ANO3: variants seen among roughly 807,000 people sequenced by gnomAD.
ANO3 encodes the protein anoctamin 3.
In ANO3, 99 loss-of-function variants were observed where a neutral mutation model predicts 144.8. The observed-to-expected ratio is 0.68, with a 90% CI of 0.58 to 0.81. ANO3 has a LOEUF of 0.81. Ranked by LOEUF, ANO3 falls within the 30% of genes least tolerant of loss-of-function variation. ANO3 has a pLI of 0.00. For missense variants in ANO3, 905 were observed against 1,202.2 expected (o/e 0.75, Z 3.66); for synonymous variants, 414 against 392.6 (o/e 1.05, Z -0.64).
chr11:26,584,406 A>G (rs10767554), intron 14 of ANO3, among the ~76,000 whole-genome samples: 111,238 of 152,034 alleles, frequency 0.73, 41,495 homozygotes, highest in East Asian at 0.86. Flanking sequence ...TGATCCGCCC[A>G]CCTCACCCTC....
intron 1 of ANO3, among the ~76,000 whole-genome samples, chr11:26,369,073 T>A (rs1590299909): frequency 6.6e-6 from 1 of 152,176 alleles, no homozygotes; most frequent in African/African-American, 2.4e-5. Context: ...TTTCATTTTT[T>A]AAAATTATAA....
chr11:26,362,204 A>T (rs144613505), intron 1 of ANO3, among the ~76,000 whole-genome samples: 2,161 of 152,266 alleles, frequency 0.014, 20 homozygotes, highest in Non-Finnish European at 0.022. Context: ...ATTAATCATT[A>T]AAAATAATTT....
chr11:26,295,515 C>CAA lies in ANO3; in HGVS notation c.155-14106_155-14105dup, dbSNP rs71047842. ...TGGGCGATAGAGTGAGACTCTGTCT[C>CAA]AAAAAAAAAAAAAAAAAAAAAAAAA... On this transcript the variant is annotated intron_variant, in intron 1 of 27. Coordinates refer to the ANO3 transcript ENST00000672621. Among the ~76,000 whole-genome samples, 253 of 65,572 alleles carry CAA rather than the reference C, an allele frequency of 3.9e-3. 3 individuals carry two copies. Among genetic ancestry groups the CAA allele is most frequent in the Middle Eastern group, 8.6e-3 (1 of 116 alleles). 43.0% of individuals were successfully genotyped at this position (65,572 alleles called of 152,430 possible). A position where few individuals can be genotyped will look rare whatever the true frequency, so the allele number is the denominator to read the frequency against.
intron 12 of ANO3, among the ~76,000 whole-genome samples, chr11:26,551,906 T>A (rs1439766827): frequency 6.6e-6 from 1 of 152,036 alleles, no homozygotes; most frequent in Non-Finnish European, 1.5e-5. Context: ...AGAGCTATAG[T>A]ATATGTAAGA....
At chr11:26,496,857 A>G (rs1860965566) in intron 4 of ANO3, among the ~76,000 whole-genome samples, 1 of 151,670 alleles carries the variant, frequency 6.6e-6, no homozygotes, top group Admixed American at 6.6e-5. Context: ...ACTTGCTTTT[A>G]TCCCTTTTTT....
chr11:26,377,100 A>G (rs774513420), intron 1 of ANO3, among the ~76,000 whole-genome samples: 3 of 152,150 alleles, frequency 2.0e-5, no homozygotes, highest in Non-Finnish European at 2.9e-5. Flanking sequence ...GTGCACTTGA[A>G]AGAAAACAAA....
chr11:26,397,579 T>G (rs1283334602), intron 1 of ANO3, among the ~76,000 whole-genome samples: 1 of 152,012 alleles, frequency 6.6e-6, no homozygotes, highest in East Asian at 1.9e-4. Context: ...AATTGACACA[T>G]AATAATTGTA....
intron 4 of ANO3, among the ~76,000 whole-genome samples, chr11:26,497,232 A>G (rs188724086): frequency 7.2e-5 from 11 of 151,986 alleles, no homozygotes; most frequent in Non-Finnish European, 1.0e-4. Flanking sequence ...AGAAGTATGT[A>G]TATATATGTG....
intron 1 of ANO3, among the ~76,000 whole-genome samples, chr11:26,233,328 C>T (rs55672030): frequency 5.9e-5 from 9 of 151,792 alleles, no homozygotes; most frequent in African/African-American, 1.9e-4. Context: ...ATGTGGCCAA[C>T]AAACATGAAA....
chr11:26,560,938 T>C, intron 14 of ANO3: 1 of 922,866 alleles, frequency 1.1e-6, no homozygotes, highest in Non-Finnish European at 1.6e-6. Flanking sequence ...ACTGGTCTCC[T>C]GCTTTTATGA....
rs200331263 is a variant in ANO3 at position 26,385,885 on chromosome 11, T to TTG, written c.46+53572_46+53573dup. On this transcript the variant is annotated intron_variant, in intron 1 of 26. Transcript: ENST00000256737. ...TGGTGATAGATTTGTGTGAAGTTCTTTGTGTGTGTATATATATTTATATAC... is the reference window on the plus strand; with the variant it reads ...TGGTGATAGATTTGTGTGAAGTTCTTTGTGTGTGTGTATATATATTTATATAC... Among the ~76,000 whole-genome samples, 154 of 130,902 alleles carry TTG rather than the reference T, an allele frequency of 1.2e-3. 1 individual carries two copies. Among genetic ancestry groups the TTG allele is most frequent in the African/African-American group, 5.1e-3 (149 of 29,064 alleles). The allele number at this position is 130,902 out of a possible 152,430, so 85.9% of individuals were successfully genotyped here.
At chr11:26,587,640 C>T (rs1185414305) in intron 14 of ANO3, among the ~76,000 whole-genome samples, 4 of 152,110 alleles carry the variant, frequency 2.6e-5, no homozygotes, top group Non-Finnish European at 5.9e-5. Flanking sequence ...AAGATAGGTC[C>T]CACTACTGCT....
chr11:26,369,227 CAG>C (rs1489159303), intron 1 of ANO3, among the ~76,000 whole-genome samples: 1 of 152,032 alleles, frequency 6.6e-6, no homozygotes, highest in Non-Finnish European at 1.5e-5. Flanking sequence ...AGAAAGAAAA[CAG>C]AAACTGCATT....
In ANO3 at chr11:26,490,496, C is replaced by T. The variant is rs747056511; in HGVS notation, c.433-17608C>T. On this transcript the variant is annotated intron_variant, in intron 4 of 26. Transcript: ENST00000256737. ...TTATAGCTTTGTGGTATAAACTGTG[C>T]TTTACTGTTCAATATTTAGGTGTTA... is the stretch of plus-strand genomic sequence containing the variant. 5.3e-4 allele frequency among the ~76,000 whole-genome samples: 80 copies of T among 152,324 alleles called. 1 individual carries two copies. Among genetic ancestry groups the T allele is most frequent in the Non-Finnish European group, 9.0e-4 (61 of 68,020 alleles).
intron 17 of ANO3, among the ~76,000 whole-genome samples, chr11:26,609,479 A>G (rs1029473379): frequency 4.6e-5 from 7 of 151,236 alleles, no homozygotes; most frequent in Non-Finnish European, 4.4e-5. Context: ...CCTGCAAGAT[A>G]TCACATGCAG....
At chr11:26,324,722 C>G (rs891812188) in intron 1 of ANO3, among the ~76,000 whole-genome samples, 5 of 152,264 alleles carry the variant, frequency 3.3e-5, no homozygotes, top group African/African-American at 1.2e-4. Flanking sequence ...AGCCAGTAGG[C>G]TGGGAACCCA....
At chr11:26,530,642 C>T (rs1404738845) in intron 7 of ANO3, among the ~76,000 whole-genome samples, 3 of 151,622 alleles carry the variant, frequency 2.0e-5, no homozygotes, top group Admixed American at 2.0e-4. Flanking sequence ...GGGTGGATCT[C>T]GAGGTCAGGA....
chr11:26,259,665 A>T (rs575882880), intron 1 of ANO3, among the ~76,000 whole-genome samples: 78 of 134,446 alleles, frequency 5.8e-4, no homozygotes, highest in African/African-American at 2.0e-3. Flanking sequence ...GAGACTCCAT[A>T]AAAAAAAAAA....
chr11:26,608,391 C>A (rs11029640), intron 17 of ANO3, among the ~76,000 whole-genome samples: 38,906 of 152,062 alleles, frequency 0.26, 5,092 homozygotes, highest in Middle Eastern at 0.31. Flanking sequence ...TGTCTGACAA[C>A]CCCTGCTGGA....
Sources: allele counts gnomAD v4.1 joint callset (sites outside exome capture counted in the v4.1 genomes callset), GRCh38; gene constraint gnomAD v4.1.1; transcripts MANE v1.5; gene names NCBI Gene and HGNC (gene_info 2026-07-23, HGNC 2026-07-21).